MYH15: variants seen among roughly 807,000 people sequenced by gnomAD.
MYH15 encodes myosin heavy chain 15, also known as myosin-15.
Under a neutral mutation model 240.5 loss-of-function variants are expected in MYH15, and 227 were observed. That is an observed-to-expected ratio of 0.94 (90% confidence interval 0.85 to 1.05). The LOEUF is 1.05. Ranked by LOEUF, MYH15 falls within the 50% of genes least tolerant of loss-of-function variation. MYH15 has a pLI of 0.00. For missense variants in MYH15, 2,217 were observed against 2,247.5 expected (o/e 0.99, Z 0.27); for synonymous variants, 785 against 796.7 (o/e 0.99, Z 0.25).
intron 16 of MYH15, among the ~76,000 whole-genome samples, chr3:108,462,153 A>G (rs747527274): frequency 6.6e-6 from 1 of 152,134 alleles, no homozygotes; most frequent in Non-Finnish European, 1.5e-5. Flanking sequence ...TCGATCTGTG[A>G]CTTTTGCTGT....
At chr3:108,381,704 G>A in intron 40 of MYH15, 145 bp from the exon 41 acceptor site, 1 of 898,584 alleles carries the variant, frequency 1.1e-6, no homozygotes. Context: ...GCAGGGAATT[G>A]AGGCAATTAT....
chr3:108,423,775 A>C (rs570210954), intron 27 of MYH15, among the ~76,000 whole-genome samples: 1 of 152,344 alleles, frequency 6.6e-6, no homozygotes, highest in African/African-American at 2.4e-5. Context: ...TTCGAACTGA[A>C]ACTGCCTGTG....
At chr3:108,532,604 T>C (rs921001210), upstream of MYH15, among the ~76,000 whole-genome samples, 4 of 152,320 alleles carry the variant, frequency 2.6e-5, no homozygotes, top group Admixed American at 2.0e-4. Context: ...GCCAATTTCT[T>C]ATGAGAAATC....
the MYH15 span, among the ~76,000 whole-genome samples, chr3:108,541,883 A>G: frequency 2.6e-5 from 4 of 152,206 alleles, no homozygotes; most frequent in African/African-American, 9.6e-5. Flanking sequence ...AAAAAGGTAC[A>G]AAACAATATG....
intron 9 of MYH15, among the ~76,000 whole-genome samples, chr3:108,488,353 G>A (rs926963499): frequency 7.2e-5 from 11 of 152,242 alleles, no homozygotes; most frequent in Admixed American, 1.3e-4. Flanking sequence ...TGTCACCCAA[G>A]CTAAGGTGCA....
intron 30 of MYH15, among the ~76,000 whole-genome samples, chr3:108,413,155 G>C (rs924794800): frequency 6.6e-6 from 1 of 152,124 alleles, no homozygotes; most frequent in East Asian, 1.9e-4. Flanking sequence ...ATTAGAAGGG[G>C]GAAAAATCTT....
At chr3:108,479,095 C>CA (rs1030611131) in intron 11 of MYH15, among the ~76,000 whole-genome samples, 3 of 152,178 alleles carry the variant, frequency 2.0e-5, no homozygotes, top group African/African-American at 7.2e-5. Flanking sequence ...TAAATGTTTA[C>CA]AGTTTGCAAC....
chr3:108,493,278 C>T (rs937445801), intron 7 of MYH15, 101 bp from the exon 8 acceptor site: 1 of 672,890 alleles, frequency 1.5e-6, no homozygotes, highest in African/African-American at 1.9e-5. Flanking sequence ...CTCAAAAGGA[C>T]TACTTCCCCA....
chr3:108,388,751 G>A (rs150395737), intron 38 of MYH15, among the ~76,000 whole-genome samples: 1 of 152,276 alleles, frequency 6.6e-6, no homozygotes, highest in East Asian at 1.9e-4. Context: ...ATTGCAACTT[G>A]CCCCTCACAT....
intron 25 of MYH15, among the ~76,000 whole-genome samples, chr3:108,435,402 A>T (rs890921135): frequency 6.6e-6 from 1 of 152,110 alleles, no homozygotes; most frequent in Non-Finnish European, 1.5e-5. Context: ...TGTAAAGCAG[A>T]TCTCTAGAAC....
At chr3:108,382,769 A>T (rs111399638) in intron 40 of MYH15, among the ~76,000 whole-genome samples, 1,689 of 152,228 alleles carry the variant, frequency 0.011, 21 homozygotes, top group Non-Finnish European at 0.016. Context: ...ACGTTTAAAA[A>T]AAAAATAATA....
intron 30 of MYH15, among the ~76,000 whole-genome samples, chr3:108,413,718 T>G (rs964211849): frequency 4.6e-5 from 7 of 152,242 alleles, no homozygotes; most frequent in African/African-American, 1.7e-4. Flanking sequence ...GGGGATGATT[T>G]CTTTTCAAAG....
In MYH15 at chr3:108,391,940, TA is replaced by T; in HGVS notation, c.5260-11del. The T allele has an allele frequency of 6.2e-7, 1 of 1,609,502 alleles. No individual in the cohort carries two copies. The highest frequency in any genetic ancestry group is 1.1e-5 in the South Asian group (1 of 90,484). On this transcript the variant is annotated splice_polypyrimidine_tract_variant and intron_variant, in intron 36 of 40. Transcript: ENST00000693548. ...CTGACAAGTTTGCTGCCTAGGGGGT[TA>T]AAAAAAGGGACTGAGCTAGTTCAGC...
intron 26 of MYH15, among the ~76,000 whole-genome samples, chr3:108,430,352 T>C (rs1437799597): frequency 6.6e-6 from 1 of 152,216 alleles, no homozygotes; most frequent in African/African-American, 2.4e-5. Context: ...TATAAATAGC[T>C]ATCCATTATC....
intron 36 of MYH15, among the ~76,000 whole-genome samples, chr3:108,393,039 G>A (rs1036533364): frequency 1.3e-5 from 2 of 152,172 alleles, no homozygotes; most frequent in African/African-American, 4.8e-5. Context: ...GTTGGGATTT[G>A]GTGCAATGGT....
chr3:108,450,997 C>T (rs2082968682), intron 21 of MYH15, among the ~76,000 whole-genome samples: 1 of 151,528 alleles, frequency 6.6e-6, no homozygotes, highest in Non-Finnish European at 1.5e-5. Context: ...AGAGAAGCCA[C>T]AAAAAAATAC....
At chr3:108,463,280 A>C (rs759392283) in intron 15 of MYH15, 37 bp from the exon 16 acceptor site, 1 of 1,571,892 alleles carries the variant, frequency 6.4e-7, no homozygotes. Flanking sequence ...AAAAAAAGAA[A>C]AAAAACTGCA....
At chr3:108,412,463 C>T (rs2082602007) in intron 30 of MYH15, among the ~76,000 whole-genome samples, 3 of 152,268 alleles carry the variant, frequency 2.0e-5, no homozygotes, top group Non-Finnish European at 4.4e-5. Context: ...TATAAATTAC[C>T]CAGTCTTGGG....
rs761850104 is a variant in MYH15 at position 108,414,392 on chromosome 3, G to A, written c.3985C>T (p.Gln1329Ter). Residue 1329 changes from glutamine (Q) to a stop codon, truncating the protein, a stop_gained, in exon 30 of 41, where the codon CAG becomes TAG. Coordinates refer to ENST00000693548, the MANE Select transcript of MYH15 (RefSeq NM_014981.3). LOFTEE classifies it high-confidence loss of function. ...SALAHALQKA[Q>*]RDCDLLREQY... ...TCTCGTAGAAGGTCACAGTCACGCT[G>A]AGCCTTCTGCAGGGCATGGGCCAGG... The A allele has an allele frequency of 6.2e-7, 1 of 1,614,118 alleles. No homozygotes were observed. Among genetic ancestry groups the A allele is most frequent in the South Asian group, 1.1e-5 (1 of 91,064 alleles).
Sources: gnomAD v4.1 joint callset for allele counts (sites outside exome capture counted in the v4.1 genomes callset) on GRCh38, gnomAD v4.1.1 for gene constraint, MANE v1.5 for transcripts, NCBI Gene and HGNC (gene_info 2026-07-23, HGNC 2026-07-21) for gene names.